CUL9: variants seen among roughly 807,000 people sequenced by gnomAD.
CUL9 encodes cullin-9.
A neutral mutation model predicts 272.6 loss-of-function variants in CUL9; 79 were observed. The observed-to-expected ratio is 0.29, with a 90% CI of 0.24 to 0.35. The LOEUF is 0.35. Among genes scored for constraint, CUL9 ranks in the 10% least tolerant of loss-of-function variants. The pLI is 1.00. For missense variants in CUL9, 2,532 were observed against 3,255.6 expected (o/e 0.78, Z 5.41); for synonymous variants, 1,186 against 1,286.5 (o/e 0.92, Z 1.67).
At position 43,224,225 on chromosome 6, in the gene CUL9, G is replaced by A; in HGVS notation, c.7359-25G>A. ...CAGTGGGACATGGCAGCCTCCTCTGGGCTGAGTGTGGTGGCTCTCCCTAGG... is the reference window on the plus strand; with the variant it reads ...CAGTGGGACATGGCAGCCTCCTCTGAGCTGAGTGTGGTGGCTCTCCCTAGG... On this transcript the variant is annotated intron_variant, in intron 40 of 40. Transcript: ENST00000252050. This position sits in a 1 kb window ranked among gnomAD's most constrained non-coding sequence, Gnocchi z 4.2. The A allele has an allele frequency of 6.2e-7, 1 of 1,614,188 alleles. No individual in the cohort carries two copies. The highest frequency in any genetic ancestry group is 8.5e-7 in the Non-Finnish European group (1 of 1,180,024).
In CUL9 at chr6:43,220,717, C is replaced by T. The variant is rs1215999988; in HGVS notation, c.6424-30C>T. 5 of 1,608,334 alleles carry T rather than the reference C, an allele frequency of 3.1e-6. No individual in the cohort carries two copies. The highest frequency in any genetic ancestry group is 1.7e-5 in the Admixed American group (1 of 59,782). ...GGTGTGGCATCCTGGAGAGCCATAC[C>T]CTCACCTCGTGGCACCTGCGTCTCC... On this transcript the variant is annotated intron_variant, in intron 32 of 40. Transcript: ENST00000252050. The surrounding 1 kb of genome is among the most constrained non-coding windows in gnomAD (Gnocchi z 4.9).
rs866299695 is a variant in CUL9, at chr6:43,198,544, T to G, written c.2804-65T>G. ...GGGTGATTTTCTGGACCTTCCCAGT[T>G]CTCAGTTTGACAAACTGGTAAGACT... On this transcript the variant is annotated intron_variant, in intron 11 of 40. Coordinates refer to ENST00000252050, the MANE Select transcript of CUL9 (RefSeq NM_015089.4). 1.6e-5 allele frequency: 26 copies of G among 1,583,262 alleles called. No homozygotes were observed. The South Asian group carries it at 2.7e-4, about 17-fold the overall frequency.
rs566173348 is a variant in CUL9, at chr6:43,199,502, G to T, written c.3156+131G>T. On this transcript the variant is annotated intron_variant, in intron 13 of 40. Coordinates refer to ENST00000252050, the MANE Select transcript of CUL9 (RefSeq NM_015089.4). This position sits in a 1 kb window ranked among gnomAD's most constrained non-coding sequence, Gnocchi z 4.4. ...GGGCACTGGGATGGGTGTAGGAGGA[G>T]GAAGGGTAATGTAATCTAAGAATCT... The T allele has an allele frequency of 1.0e-5, 7 of 670,676 alleles. No individual in the cohort carries two copies. The highest frequency in any genetic ancestry group is 1.9e-5 in the Non-Finnish European group (7 of 378,018). The allele number at this position is 670,676 out of a possible 1,614,324, so 41.5% of individuals were successfully genotyped here.
rs373779093 is a variant in CUL9 at position 43,213,297 on chromosome 6, G to A, written c.5358+3G>A. The A allele has an allele frequency of 6.9e-5, 112 of 1,613,820 alleles. No homozygotes were observed. Among genetic ancestry groups the A allele is most frequent in the Non-Finnish European group, 8.6e-5 (101 of 1,179,926 alleles). On this transcript the variant is annotated splice_donor_region_variant and intron_variant, in intron 27 of 40. Transcript: ENST00000252050. The surrounding 1 kb of genome is among the most constrained non-coding windows in gnomAD (Gnocchi z 5.7). The stretch of plus-strand genomic sequence containing the variant: ...TGCTGAAATTCAATCAGACAGAGGT[G>A]CTTCAGCCCTTAGCCTCTCTCTGCC...
chr6:43,198,737 G>A lies in CUL9; in HGVS notation c.2932G>A (p.Gly978Arg), dbSNP rs1023703620. ...ERVLCREGSP[G>R]GAVRPLLKRL... The stretch of plus-strand genomic sequence containing the variant: ...TGTGCTGTGCCGTGAGGGCAGCCCC[G>A]GAGGTGCCGTGAGGCCCCTCCTCAA... Residue 978 changes from glycine (G) to arginine (R), a missense_variant, in exon 12 of 41, where the codon GGA (glycine) becomes AGA (arginine). This residue lies in a region of CUL9 where 2,218 missense variants were observed against 2,788.6 expected (regional missense o/e 0.80). Coordinates refer to ENST00000252050, the MANE Select transcript of CUL9 (RefSeq NM_015089.4). 9 of 1,613,988 alleles carry A rather than the reference G, an allele frequency of 5.6e-6. No individual in the cohort carries two copies. The highest frequency in any genetic ancestry group is 2.2e-5 in the South Asian group (2 of 91,084).
chr6:43,213,698 G>A lies in CUL9; in HGVS notation c.5489-15G>A, dbSNP rs746079228. On this transcript the variant is annotated splice_polypyrimidine_tract_variant and intron_variant, in intron 28 of 40. Transcript: ENST00000252050. This position sits in a 1 kb window ranked among gnomAD's most constrained non-coding sequence, Gnocchi z 5.7. ...CCTCTGCCTCCTCTGGTACCTGACC[G>A]GGAGCGGGTTCCAGGTGTGCTGCGG... 2.2e-5 allele frequency: 36 copies of A among 1,610,742 alleles called. 1 individual carries two copies. The Admixed American group carries it at 4.7e-4, about 21-fold the overall frequency.
chr6:43,194,304 TC>T (rs1237252899), intron 9 of CUL9, among the ~76,000 whole-genome samples: 2 of 151,284 alleles, frequency 1.3e-5, no homozygotes, highest in African/African-American at 2.5e-5. Context: ...TCTTTTTTTT[TC>T]TTTTTTCTTT....
At position 43,223,553 on chromosome 6, in the gene CUL9, C is replaced by A; in HGVS notation, c.7284+156C>A. The A allele has an allele frequency of 1.0e-6, 1 of 978,748 alleles. No homozygotes were observed. Among genetic ancestry groups the A allele is most frequent in the Non-Finnish European group, 1.5e-6 (1 of 676,102 alleles). The allele number at this position is 978,748 out of a possible 1,614,324, so 60.6% of individuals were successfully genotyped here. On this transcript the variant is annotated intron_variant, in intron 39 of 40. Transcript: ENST00000252050. This position sits in a 1 kb window ranked among gnomAD's most constrained non-coding sequence, Gnocchi z 4.1. Reference sequence around the variant, plus strand: ...CTGGGCGCACATCCCGGCTTTTGGGCCAACCTGCCTGATGCTGCTGGACCC... The same window carrying A: ...CTGGGCGCACATCCCGGCTTTTGGGACAACCTGCCTGATGCTGCTGGACCC...
intron 16 of CUL9, among the ~76,000 whole-genome samples, 168 bp from the exon 17 acceptor site, chr6:43,202,548 C>T (rs1774687972): frequency 6.6e-6 from 1 of 152,118 alleles, no homozygotes; most frequent in African/African-American, 2.4e-5. Flanking sequence ...TTATTTCCTT[C>T]TTTTGATTTT....
At chr6:43,189,989 T>G (rs938197129) in intron 8 of CUL9, among the ~76,000 whole-genome samples, 2 of 151,320 alleles carry the variant, frequency 1.3e-5, no homozygotes, top group Non-Finnish European at 2.9e-5. Context: ...TTTTAGTCTA[T>G]GTAATCACAT....
In CUL9 at chr6:43,198,644, T is replaced by TC; in HGVS notation, c.2843dup (p.Glu949Ter). 6.2e-7 allele frequency: 1 copy of TC among 1,614,108 alleles called. No individual in the cohort carries two copies. On this transcript the variant is annotated frameshift_variant, in exon 12 of 41. Transcript: ENST00000252050. LOFTEE classifies it high-confidence loss of function. ...CCCCATCATCCAGGGTCAGGATGGG[T>TC]CCCCTGAGCTACTGATTCGATCCCT...
At chr6:43,185,014 TA>T in intron 2 of CUL9, 109 bp downstream of exon 2, 1 of 868,458 alleles carries the variant, frequency 1.2e-6, no homozygotes, top group Non-Finnish European at 1.7e-6. Flanking sequence ...ATTTGGTGAA[TA>T]TCAATTTGAT....
chr6:43,216,599 T>C, intron 31 of CUL9, 96 bp downstream of exon 31: 1 of 1,115,282 alleles, frequency 9.0e-7, no homozygotes, highest in Non-Finnish European at 1.3e-6. Flanking sequence ...GCACTGCCAT[T>C]TTCATCACCT....
intron 8 of CUL9, 83 bp downstream of exon 8, chr6:43,188,798 C>T (rs1161523668): frequency 9.9e-6 from 12 of 1,214,048 alleles, no homozygotes; most frequent in African/African-American, 1.5e-5. Flanking sequence ...TTTGAGATCA[C>T]GAATTAGAAA....
intron 4 of CUL9, 123 bp from the exon 5 acceptor site, chr6:43,186,836 AG>A: frequency 1.6e-6 from 2 of 1,213,290 alleles, no homozygotes; most frequent in Non-Finnish European, 1.2e-6. Context: ...AGGCTTAGCC[AG>A]GTGTGTATCT....
In CUL9 at chr6:43,196,152, T is replaced by C. The variant is rs750850635; in HGVS notation, c.2472T>C (p.Asp824=). ...TGRDSIHSLF[D]AQMTREIFAS... ...GAGATTCTATCCACTCTTTGTTTGA[T>C]GCTCAGATGACCAGAGAGATCTTCG... The change falls in exon 10 of 41, where the codon GAT becomes GAC. Residue 824 remains aspartate, a synonymous_variant. Coordinates refer to ENST00000252050, the MANE Select transcript of CUL9 (RefSeq NM_015089.4). 3 of 1,614,206 alleles carry C rather than the reference T, an allele frequency of 1.9e-6. No homozygotes were observed. Among genetic ancestry groups the C allele is most frequent in the Non-Finnish European group, 2.5e-6 (3 of 1,180,034 alleles).
intron 8 of CUL9, 188 bp downstream of exon 8, chr6:43,188,903 C>T: frequency 1.8e-6 from 1 of 550,342 alleles, no homozygotes; most frequent in Non-Finnish European, 3.2e-6. Context: ...TCTGTTATGC[C>T]AGGCACTGTG....
chr6:43,187,888 G>GAAATCACTC lies in CUL9; in HGVS notation c.1758_1766dup (p.Asn587_Ser589dup). On this transcript the variant is annotated inframe_insertion, in exon 7 of 41. Transcript: ENST00000252050. ...GAACCAAGCAGCTCGTCTACTTCAC[G>GAAATCACTC]AAATCACTCCTGTACCCCAGATCCA... is the stretch of plus-strand genomic sequence containing the variant. 6.2e-7 allele frequency: 1 copy of GAAATCACTC among 1,614,052 alleles called. No homozygotes were observed.
In CUL9 at chr6:43,224,308, G is replaced by A. The variant is rs1776631346; in HGVS notation, c.7417G>A (p.Val2473Met). 6.2e-7 allele frequency: 1 copy of A among 1,614,246 alleles called. No homozygotes were observed. The highest frequency in any genetic ancestry group is 8.5e-7 in the Non-Finnish European group (1 of 1,180,046). ...EEEEEDDEDD[V>M]PEWQQDEFDE... Reference sequence around the variant, plus strand: ...GGAGGAGGAAGACGATGAGGATGATGTGCCCGAGTGGCAGCAGGATGAGTT... The same window carrying A: ...GGAGGAGGAAGACGATGAGGATGATATGCCCGAGTGGCAGCAGGATGAGTT... Residue 2473 changes from valine to methionine, a missense_variant, in exon 41 of 41, where the codon GTG (valine) becomes ATG (methionine). Physicochemically the swap from Val to Met is conservative, Grantham distance 21. Transcript: ENST00000252050. This position sits in a 1 kb window ranked among gnomAD's most constrained non-coding sequence, Gnocchi z 4.2.
Sources: gnomAD v4.1 joint callset for allele counts (sites outside exome capture counted in the v4.1 genomes callset) on GRCh38, gnomAD v4.1.1 for gene constraint, gnomAD v4.1.1 regional missense constraint, Gnocchi (gnomAD v3.1) non-coding constraint, MANE v1.5 for transcripts, NCBI Gene and HGNC (gene_info 2026-07-23, HGNC 2026-07-21) for gene names.